Variants in ATP8A2 observed in about 807,000 individuals in gnomAD.
ATP8A2 encodes the protein ATPase phospholipid transporting 8A2.
Under a neutral mutation model 165.6 loss-of-function variants are expected in ATP8A2, and 100 were observed. The observed-to-expected ratio is 0.60, with a 90% confidence interval of 0.51 to 0.71. ATP8A2 has a LOEUF of 0.71. Ranked by LOEUF, ATP8A2 falls within the 30% of genes least tolerant of loss-of-function variation. The pLI is 0.00. For missense variants in ATP8A2, 1,227 were observed against 1,479.5 expected, an observed-to-expected ratio of 0.83 and a Z score of 2.80; for synonymous variants, 543 against 548.8, an observed-to-expected ratio of 0.99 and a Z score of 0.15.
chr13:25,897,593 T>G (rs1391056399), intron 33 of ATP8A2, among the ~76,000 whole-genome samples: 1 of 152,200 alleles, frequency 6.6e-6, no homozygotes, highest in Non-Finnish European at 1.5e-5. Context: ...CTTGCTGGAT[T>G]TGGGGAAGTT....
chr13:25,585,573 G>C (rs539492760), intron 23 of ATP8A2, among the ~76,000 whole-genome samples: 2 of 152,028 alleles, frequency 1.3e-5, no homozygotes, highest in East Asian at 3.9e-4. Context: ...CATTTCTTAT[G>C]GTCTTAGAGG....
intron 1 of ATP8A2, among the ~76,000 whole-genome samples, chr13:25,406,670 G>C (rs187038552): frequency 1.1e-4 from 16 of 152,214 alleles, no homozygotes; most frequent in African/African-American, 3.6e-4. Flanking sequence ...CTGGCATGGA[G>C]ACCATGTTTG....
At chr13:25,666,145 G>T (rs1335597086) in intron 24 of ATP8A2, among the ~76,000 whole-genome samples, 1 of 151,740 alleles carries the variant, frequency 6.6e-6, no homozygotes, top group Non-Finnish European at 1.5e-5. Context: ...GGTGTTTCTT[G>T]GAACATTTTA....
chr13:25,665,793 C>T (rs554623500), intron 24 of ATP8A2, among the ~76,000 whole-genome samples: 1 of 151,972 alleles, frequency 6.6e-6, no homozygotes, highest in Non-Finnish European at 1.5e-5. Context: ...AAGGAATCCT[C>T]CCGCCTCAGC....
chr13:25,468,896 C>G lies in ATP8A2; in HGVS notation c.77-81C>G, dbSNP rs373863313. ...ATCCTTCCCCGCCGGTGGCCGCCCGCCCGCGGCCCGCGCTCGCAGCCTCCC... is the reference window on the plus strand; with the variant it reads ...ATCCTTCCCCGCCGGTGGCCGCCCGGCCGCGGCCCGCGCTCGCAGCCTCCC... On this transcript the variant is annotated intron_variant, in intron 1 of 36. Coordinates refer to ENST00000381655, the MANE Select transcript of ATP8A2 (RefSeq NM_016529.6). 7 of 1,572,280 alleles carry G rather than the reference C, an allele frequency of 4.5e-6. No individual in the cohort carries two copies. The East Asian group carries it at 9.4e-5, about 21-fold the overall frequency.
chr13:25,798,479 A>G (rs887931283), intron 27 of ATP8A2, among the ~76,000 whole-genome samples: 2 of 152,164 alleles, frequency 1.3e-5, no homozygotes, highest in African/African-American at 2.4e-5. Flanking sequence ...CAACTGGCCT[A>G]TCCAAAGTAC....
intron 24 of ATP8A2, among the ~76,000 whole-genome samples, chr13:25,658,403 C>T (rs1024652807): frequency 2.0e-5 from 3 of 152,082 alleles, no homozygotes; most frequent in Non-Finnish European, 4.4e-5. Flanking sequence ...TTTGGGAGGC[C>T]GAGGCAGGCA....
chr13:25,388,911 T>G (rs950930263), intron 1 of ATP8A2, among the ~76,000 whole-genome samples: 9 of 152,134 alleles, frequency 5.9e-5, no homozygotes, highest in African/African-American at 1.7e-4. Context: ...GAAAACAGAT[T>G]CACCAGGGAA....
At chr13:25,423,728 T>C (rs1348081877) in intron 1 of ATP8A2, among the ~76,000 whole-genome samples, 2 of 152,262 alleles carry the variant, frequency 1.3e-5, no homozygotes, top group Admixed American at 6.5e-5. Context: ...AAGTTCTTGG[T>C]CAATTTTATT....
intron 34 of ATP8A2, among the ~76,000 whole-genome samples, chr13:25,966,304 C>A (rs73155952): frequency 0.024 from 3,645 of 152,314 alleles, 70 homozygotes; most frequent in Non-Finnish European, 0.038. Context: ...CAGAACACGC[C>A]AAACGCCAGC....
At position 25,953,576 on chromosome 13, in the gene ATP8A2, G is replaced by A. The variant is rs1244016892; in HGVS notation, c.3184-7999G>A. 6.9e-6 allele frequency among the ~76,000 whole-genome samples: 1 copy of A among 144,934 alleles called. No individual in the cohort carries two copies. The highest frequency in any genetic ancestry group is 6.8e-5 in the Admixed American group (1 of 14,640). The stretch of plus-strand genomic sequence containing the variant: ...GGGAAATAGGCAAGACGGCCAAATA[G>A]GAACAGCTCCAGTCTGTAGCTCCCA... On this transcript the variant is annotated intron_variant, in intron 33 of 36. Coordinates refer to ENST00000381655, the MANE Select transcript of ATP8A2 (RefSeq NM_016529.6). The surrounding 1 kb of genome is among the most constrained non-coding windows in gnomAD (Gnocchi z 6.7).
chr13:26,013,744 C>T (rs1450470517), intron 36 of ATP8A2, among the ~76,000 whole-genome samples: 2 of 152,002 alleles, frequency 1.3e-5, no homozygotes, highest in African/African-American at 4.8e-5. Flanking sequence ...TCACACAGTA[C>T]AGGCAGTGAA....
At chr13:25,836,951 T>C (rs1951629458) in intron 28 of ATP8A2, among the ~76,000 whole-genome samples, 1 of 152,192 alleles carries the variant, frequency 6.6e-6, no homozygotes, top group African/African-American at 2.4e-5. Flanking sequence ...ATGTATGATG[T>C]TTTTAGTGTT....
chr13:25,843,631 G>C (rs984504481), intron 30 of ATP8A2, among the ~76,000 whole-genome samples: 1 of 152,090 alleles, frequency 6.6e-6, no homozygotes, highest in Non-Finnish European at 1.5e-5. Context: ...CTTGGACTTC[G>C]CAGGCTCCAG....
chr13:25,430,913 G>A (rs950592499), intron 1 of ATP8A2, among the ~76,000 whole-genome samples: 19 of 151,436 alleles, frequency 1.3e-4, no homozygotes, highest in Non-Finnish European at 2.5e-4. Flanking sequence ...AGTTTATAGT[G>A]GTCTTTTAAG....
At chr13:26,017,108 A>G (rs957981903) in intron 36 of ATP8A2, among the ~76,000 whole-genome samples, 1 of 152,286 alleles carries the variant, frequency 6.6e-6, no homozygotes, top group African/African-American at 2.4e-5. Context: ...AGAGCTCAGT[A>G]GTCCTCAGCT....
intron 30 of ATP8A2, among the ~76,000 whole-genome samples, chr13:25,850,440 T>C (rs1951978037): frequency 6.8e-6 from 1 of 148,032 alleles, no homozygotes; most frequent in Non-Finnish European, 1.5e-5. Context: ...CTGGTTTTCT[T>C]TTTGCCTGAA....
intron 35 of ATP8A2, among the ~76,000 whole-genome samples, chr13:26,004,863 C>G (rs1956708700): frequency 6.6e-6 from 1 of 151,904 alleles, no homozygotes; most frequent in African/African-American, 2.4e-5. Flanking sequence ...ATGATTCTTT[C>G]AATGTGTTGT....
At chr13:25,528,244 T>A (rs751678956) in intron 2 of ATP8A2, among the ~76,000 whole-genome samples, 1 of 152,210 alleles carries the variant, frequency 6.6e-6, no homozygotes, top group Non-Finnish European at 1.5e-5. Flanking sequence ...AATTCAGGGA[T>A]AGTCTTTCAA....
Sources: allele counts gnomAD v4.1 joint callset (sites outside exome capture counted in the v4.1 genomes callset), GRCh38; gene constraint gnomAD v4.1.1; non-coding constraint Gnocchi (gnomAD v3.1); transcripts MANE v1.5; gene names NCBI Gene and HGNC (gene_info 2026-07-23, HGNC 2026-07-21).